FSTL5: variants seen among roughly 807,000 people sequenced by gnomAD.
FSTL5 encodes the protein follistatin like 5, also known as follistatin-related protein 5.
Under a neutral mutation model 89.1 loss-of-function variants are expected in FSTL5, and 62 were observed. The ratio of observed to expected loss-of-function variants is 0.70; its 90% CI spans 0.57 to 0.86. The LOEUF (loss-of-function observed/expected upper bound fraction) is 0.86. FSTL5 is among the 40% of genes least tolerant of loss of function. The pLI, the probability that FSTL5 is intolerant of heterozygous loss-of-function variation, is 0.00. For missense variants in FSTL5, 1,057 were observed against 1,001.6 expected (o/e 1.06, Z -0.75); for synonymous variants, 383 against 346.2 (o/e 1.11, Z -1.18).
At chr4:161,972,100 T>C (rs147145149) in intron 3 of FSTL5, among the ~76,000 whole-genome samples, 1 of 152,256 alleles carries the variant, frequency 6.6e-6, no homozygotes, top group African/African-American at 2.4e-5. Context: ...GATGTGCTTC[T>C]TTTTCTTTTT....
intron 2 of FSTL5, among the ~76,000 whole-genome samples, chr4:162,067,175 C>T (rs1358423163): frequency 6.6e-6 from 1 of 152,022 alleles, no homozygotes; most frequent in Non-Finnish European, 1.5e-5. Context: ...ACCCAAATAG[C>T]TGGGCCTACA....
At chr4:161,399,564 T>C (rs1299091511) in intron 15 of FSTL5, among the ~76,000 whole-genome samples, 1 of 152,104 alleles carries the variant, frequency 6.6e-6, no homozygotes. Flanking sequence ...ACCAACTTTT[T>C]TTTTCATATT....
At chr4:161,650,280 T>C (rs749147419) in intron 7 of FSTL5, among the ~76,000 whole-genome samples, 7 of 152,144 alleles carry the variant, frequency 4.6e-5, no homozygotes, top group Non-Finnish European at 7.4e-5. Flanking sequence ...CGTAGGAAAG[T>C]CACTTAAAAT....
At chr4:161,571,005 TACTC>T (rs1320993995) in intron 8 of FSTL5, among the ~76,000 whole-genome samples, 14 of 152,014 alleles carry the variant, frequency 9.2e-5, no homozygotes, top group African/African-American at 3.4e-4. Context: ...TCCCAGCTAC[TACTC>T]GGGAGGCTGA....
chr4:162,154,951 T>A (rs1043713964), intron 1 of FSTL5, among the ~76,000 whole-genome samples: 14 of 151,992 alleles, frequency 9.2e-5, no homozygotes, highest in Middle Eastern at 3.4e-3. Context: ...AAATTTAGGG[T>A]TAGAAAGAAA....
At chr4:161,644,423 G>A (rs1379011471) in intron 7 of FSTL5, among the ~76,000 whole-genome samples, 1 of 152,064 alleles carries the variant, frequency 6.6e-6, no homozygotes, top group Non-Finnish European at 1.5e-5. Context: ...CTACTCTGGA[G>A]GCTGAGGCAG....
At chr4:162,109,134 T>G (rs1731339659) in intron 2 of FSTL5, among the ~76,000 whole-genome samples, 1 of 151,982 alleles carries the variant, frequency 6.6e-6, no homozygotes, top group Admixed American at 6.6e-5. Context: ...ATAATGGGAA[T>G]CAGTGGGAAA....
intron 1 of FSTL5, among the ~76,000 whole-genome samples, chr4:162,144,445 T>G (rs561308247): frequency 2.6e-5 from 4 of 152,214 alleles, no homozygotes; most frequent in Non-Finnish European, 5.9e-5. Context: ...CTATTTGAGC[T>G]TCATTCCATT....
In FSTL5 at chr4:161,455,117, C is replaced by T. The variant is rs2126401212; in HGVS notation, c.1728G>A (p.Leu576=). 1 of 1,607,924 alleles carries T rather than the reference C, an allele frequency of 6.2e-7. No individual in the cohort carries two copies. The highest frequency in any genetic ancestry group is 1.3e-5 in the African/African-American group (1 of 74,606). The change falls in exon 15 of 16, where the codon CTG becomes CTA. Residue 576 remains leucine (L), a synonymous_variant. Transcript: ENST00000306100. ...TGTGGTGAGGCACATTCCCACTGGC[C>T]AGGGTAATTACCTAAAGAGAACACA... ...KTSPTLQVIT[L]ASGNVPHHTI... is the part of the protein sequence containing the mutation.
rs370692412 is a variant in FSTL5, at chr4:161,890,637, G to A, written c.409+29767C>T. Reference sequence around the variant, plus strand: ...CGGGTGGTGGAGGTTACAGTGAGCCGAGATTGCACCATTGCACTCCAGCCT... The same window carrying A: ...CGGGTGGTGGAGGTTACAGTGAGCCAAGATTGCACCATTGCACTCCAGCCT... On this transcript the variant is annotated intron_variant, in intron 4 of 15. Transcript: ENST00000306100. Among the ~76,000 whole-genome samples the A allele has an allele frequency of 1.0e-4, 15 of 144,282 alleles. No individual in the cohort carries two copies. In the South Asian group the frequency reaches 2.0e-3, roughly 19 times the overall value. The allele number at this position is 144,282 out of a possible 152,430, so 94.7% of individuals were successfully genotyped here.
At chr4:161,941,959 T>C (rs1481561094) in intron 3 of FSTL5, among the ~76,000 whole-genome samples, 2 of 151,762 alleles carry the variant, frequency 1.3e-5, no homozygotes, top group Admixed American at 1.3e-4. Context: ...TTAGCAACAA[T>C]GAAATAAAAT....
At chr4:161,483,149 T>G (rs908438446) in intron 12 of FSTL5, among the ~76,000 whole-genome samples, 1 of 152,110 alleles carries the variant, frequency 6.6e-6, no homozygotes, top group Non-Finnish European at 1.5e-5. Context: ...ATTCACCAAT[T>G]CCTACTGACA....
Position 161,458,056 on chromosome 4 carries a change from C to T in FSTL5, c.1716+1156G>A, listed in dbSNP as rs76331906. ...TTATGCTGTGAAGATGCAGTGTGAG[C>T]GTCACATGCAGGGGACACAAGGCAC... On this transcript the variant is annotated intron_variant, in intron 14 of 15. Coordinates refer to ENST00000306100, the MANE Select transcript of FSTL5 (RefSeq NM_020116.5). Among the ~76,000 whole-genome samples the T allele has an allele frequency of 3.6e-3, 555 of 152,292 alleles. 3 individuals carry two copies. Among genetic ancestry groups the T allele is most frequent in the African/African-American group, 0.012 (504 of 41,554 alleles).
At chr4:161,404,843 G>A (rs1032054367) in intron 15 of FSTL5, among the ~76,000 whole-genome samples, 8 of 151,580 alleles carry the variant, frequency 5.3e-5, no homozygotes, top group South Asian at 2.1e-4. Flanking sequence ...TAGGAAAGTC[G>A]GACCACACCC....
chr4:161,790,834 A>C (rs1579095179), intron 4 of FSTL5, among the ~76,000 whole-genome samples: 1 of 152,276 alleles, frequency 6.6e-6, no homozygotes, highest in Middle Eastern at 3.4e-3. Context: ...TCATTCATAG[A>C]ATGCATTTTG....
intron 3 of FSTL5, among the ~76,000 whole-genome samples, chr4:162,005,647 T>G (rs1736594498): frequency 6.6e-6 from 1 of 152,046 alleles, no homozygotes; most frequent in Non-Finnish European, 1.5e-5. Flanking sequence ...AGCCCCATGC[T>G]CCTTTCTCTT....
chr4:161,961,335 C>T (rs1009067841), intron 3 of FSTL5, among the ~76,000 whole-genome samples: 33 of 152,094 alleles, frequency 2.2e-4, no homozygotes, highest in Admixed American at 2.0e-3. Context: ...TGGTCTCCAA[C>T]GTCTAGTCTC....
chr4:161,915,413 T>C (rs1300317582), intron 4 of FSTL5, among the ~76,000 whole-genome samples: 1 of 151,670 alleles, frequency 6.6e-6, no homozygotes, highest in Non-Finnish European at 1.5e-5. Context: ...TATCCCAAAA[T>C]CCCAAAATGA....
intron 1 of FSTL5, among the ~76,000 whole-genome samples, chr4:162,120,987 T>C (rs997446124): frequency 2.6e-5 from 4 of 152,122 alleles, no homozygotes; most frequent in African/African-American, 9.6e-5. Flanking sequence ...ACATTTGGTT[T>C]CTCACAATGA....
Sources: gnomAD v4.1 joint callset for allele counts (sites outside exome capture counted in the v4.1 genomes callset) on GRCh38, gnomAD v4.1.1 for gene constraint, MANE v1.5 for transcripts, NCBI Gene and HGNC (gene_info 2026-07-23, HGNC 2026-07-21) for gene names.